GRIN2B: variants seen among roughly 807,000 people sequenced by gnomAD.
The protein encoded by GRIN2B is glutamate ionotropic receptor NMDA type subunit 2B.
Under a neutral mutation model 114.5 loss-of-function variants are expected in GRIN2B, and 5 were observed. The ratio of observed to expected loss-of-function variants is 0.04; its 90% CI spans 0.02 to 0.09. The LOEUF (loss-of-function observed/expected upper bound fraction) is 0.09, where lower values mean the gene tolerates loss of function less well. GRIN2B is among the 10% of genes least tolerant of loss of function. The pLI is 1.00. For missense variants in GRIN2B, 1,108 were observed against 1,943.5 expected, an observed-to-expected ratio of 0.57 and a Z score of 8.08; for synonymous variants, 787 against 745.1, an observed-to-expected ratio of 1.06 and a Z score of -0.92.
At chr12:13,675,014 A>C (rs17760909) in intron 5 of GRIN2B, among the ~76,000 whole-genome samples, 1 of 152,104 alleles carries the variant, frequency 6.6e-6, no homozygotes, top group Non-Finnish European at 1.5e-5. Flanking sequence ...TACTCTCAGG[A>C]ATACTTGTAT....
At chr12:13,613,500 C>T (rs1236277679) in intron 8 of GRIN2B, among the ~76,000 whole-genome samples, 1 of 152,020 alleles carries the variant, frequency 6.6e-6, no homozygotes, top group Non-Finnish European at 1.5e-5. Context: ...ACAAACTGAG[C>T]CAAAAAGTCT....
At chr12:13,931,517 T>A (rs1194691799) in intron 2 of GRIN2B, among the ~76,000 whole-genome samples, 1 of 152,186 alleles carries the variant, frequency 6.6e-6, no homozygotes, top group Non-Finnish European at 1.5e-5. Flanking sequence ...TTTTTCCATC[T>A]AACTAGGCTC....
At chr12:13,713,254 T>C (rs1055569700) in intron 4 of GRIN2B, among the ~76,000 whole-genome samples, 3 of 151,898 alleles carry the variant, frequency 2.0e-5, no homozygotes, top group African/African-American at 7.2e-5. Flanking sequence ...GCTCTCCTTT[T>C]ATGCTCCTAG....
chr12:13,614,029 A>AAAAAAAAAAAC, intron 8 of GRIN2B, among the ~76,000 whole-genome samples: 1 of 151,558 alleles, frequency 6.6e-6, no homozygotes, highest in African/African-American at 2.4e-5. Context: ...AAAAAAAAAA[A>AAAAAAAAAAAC]AAAAAAAAAG....
At position 13,824,827 on chromosome 12, in the gene GRIN2B, G is replaced by A. The variant is rs1468525125; in HGVS notation, c.411+40971C>T. Among the ~76,000 whole-genome samples, 7 of 133,230 alleles carry A rather than the reference G, an allele frequency of 5.3e-5. No homozygotes were observed. In the East Asian group the frequency reaches 1.5e-3, roughly 29 times the overall value. The allele number at this position is 133,230 out of a possible 152,430, so 87.4% of individuals were successfully genotyped here. A position where few individuals can be genotyped will look rare whatever the true frequency, so the allele number is the denominator to read the frequency against. On this transcript the variant is annotated intron_variant, in intron 3 of 13. Transcript: ENST00000609686. ...GCCGAGATTGTGCCACTGCACTCCAGCCTGGGCAACAGAGCGAGACTCCAT... is the reference window on the plus strand; with the variant it reads ...GCCGAGATTGTGCCACTGCACTCCAACCTGGGCAACAGAGCGAGACTCCAT...
At position 13,840,236 on chromosome 12, in the gene GRIN2B, C is replaced by T. The variant is rs145647658; in HGVS notation, c.411+25562G>A. On this transcript the variant is annotated intron_variant, in intron 3 of 13. Transcript: ENST00000609686. ...TCACTCCCTCTGGATTTTGTTCATTCGGTAGGGATCCAAGCATTCTAGAAA... is the reference window on the plus strand; with the variant it reads ...TCACTCCCTCTGGATTTTGTTCATTTGGTAGGGATCCAAGCATTCTAGAAA... 6.9e-4 allele frequency among the ~76,000 whole-genome samples: 105 copies of T among 152,210 alleles called. 1 individual carries two copies. The East Asian group carries it at 0.018, about 26-fold the overall frequency.
intron 4 of GRIN2B, among the ~76,000 whole-genome samples, chr12:13,697,059 C>T (rs1950266630): frequency 6.6e-6 from 1 of 152,028 alleles, no homozygotes; most frequent in South Asian, 2.1e-4. Context: ...GTAATAAGTG[C>T]CTGAATGATG....
intron 4 of GRIN2B, among the ~76,000 whole-genome samples, chr12:13,711,211 T>C (rs1000891765): frequency 5.3e-5 from 8 of 151,352 alleles, no homozygotes; most frequent in African/African-American, 1.9e-4. Flanking sequence ...TCCTTATACC[T>C]TATACAAAAA....
intron 3 of GRIN2B, among the ~76,000 whole-genome samples, chr12:13,774,639 T>C (rs1489721718): frequency 6.6e-6 from 1 of 152,188 alleles, no homozygotes; most frequent in Non-Finnish European, 1.5e-5. Flanking sequence ...TGCAGTGCCT[T>C]TGGTAAAGAC....
chr12:13,747,622 C>T (rs886435639), intron 4 of GRIN2B, among the ~76,000 whole-genome samples: 2 of 152,160 alleles, frequency 1.3e-5, no homozygotes, highest in Non-Finnish European at 2.9e-5. Flanking sequence ...TTTCCTTAGA[C>T]TCTGGTGCAC....
chr12:13,928,829 G>T (rs1421771495), intron 2 of GRIN2B, among the ~76,000 whole-genome samples: 5 of 152,338 alleles, frequency 3.3e-5, no homozygotes, highest in African/African-American at 1.2e-4. Context: ...AAAAGGAATA[G>T]TTAAAAAGTA....
rs1948391609 is a variant in GRIN2B, at chr12:13,550,105, G to A, written c.*12678C>T. 1 of 152,176 alleles carries A rather than the reference G, an allele frequency of 6.6e-6. No individual in the cohort carries two copies. The highest frequency in any genetic ancestry group is 2.1e-4 in the South Asian group (1 of 4,826). The allele number at this position is 152,176 out of a possible 1,614,324, so 9.4% of individuals were successfully genotyped here. ...TACTTTTGGCTAATTATCCAATTTTGTGCTTTGACTTCTCATCTGTAAAAC... is the reference window on the plus strand; with the variant it reads ...TACTTTTGGCTAATTATCCAATTTTATGCTTTGACTTCTCATCTGTAAAAC... On this transcript the variant is annotated 3_prime_UTR_variant, in exon 14 of 14. Coordinates refer to ENST00000609686, the MANE Select transcript of GRIN2B (RefSeq NM_000834.5).
At chr12:13,951,911 A>G (rs1867488620) in intron 2 of GRIN2B, among the ~76,000 whole-genome samples, 1 of 152,152 alleles carries the variant, frequency 6.6e-6, no homozygotes, top group African/African-American at 2.4e-5. Context: ...GGGGAGAAAA[A>G]GAAAGAAAAA....
At chr12:13,877,488 A>G (rs893692513) in intron 2 of GRIN2B, among the ~76,000 whole-genome samples, 3 of 152,216 alleles carry the variant, frequency 2.0e-5, no homozygotes, top group Non-Finnish European at 4.4e-5. Context: ...TTACCTGTGT[A>G]ACTGAGCACC....
Position 13,555,171 on chromosome 12 carries a change from T to A in GRIN2B, c.*7612A>T, listed in dbSNP as rs1948464066. On this transcript the variant is annotated 3_prime_UTR_variant, in exon 14 of 14. Coordinates refer to ENST00000609686, the MANE Select transcript of GRIN2B (RefSeq NM_000834.5). ...AGATAAGAGGAAGAGCAGGAACCAA[T>A]GAGGTTAGAGGACCAGAGAACTAAG... The A allele has an allele frequency of 6.6e-6, 1 of 152,102 alleles. No individual in the cohort carries two copies. The highest frequency in any genetic ancestry group is 1.5e-5 in the Non-Finnish European group (1 of 68,032). 9.4% of individuals were successfully genotyped at this position (152,102 alleles called of 1,614,324 possible). A position where few individuals can be genotyped will look rare whatever the true frequency, so the allele number is the denominator to read the frequency against.
intron 4 of GRIN2B, among the ~76,000 whole-genome samples, chr12:13,742,361 C>T (rs189686093): frequency 6.6e-6 from 1 of 152,362 alleles, no homozygotes; most frequent in East Asian, 1.9e-4. Context: ...TCTAGGAAAT[C>T]ATATAAACAA....
intron 2 of GRIN2B, among the ~76,000 whole-genome samples, chr12:13,882,366 C>T (rs1015926828): frequency 2.4e-4 from 36 of 152,118 alleles, no homozygotes; most frequent in Admixed American, 4.6e-4. Context: ...AGGAATTCCC[C>T]GTCAATCAAG....
chr12:13,569,802 A>G, intron 12 of GRIN2B, 28 bp downstream of exon 12: 1 of 1,492,870 alleles, frequency 6.7e-7, no homozygotes, highest in Non-Finnish European at 9.2e-7. Context: ...TAGAGGACAA[A>G]TGGGCACTTT....
In GRIN2B at chr12:13,563,557, C is replaced by T. The variant is rs758736358; in HGVS notation, c.3681G>A (p.Thr1227=). The change falls in exon 14 of 14, where the codon ACG becomes ACA. Residue 1227 remains threonine (T), a synonymous_variant. Transcript: ENST00000609686. ...SCPSKLHNYS[T]TVTGQNSGRQ... ...TGCCCGAGTTCTGACCCGTCACCGT[C>T]GTGGAGTAGTTGTGCAGCTTGGAGG... 3.1e-6 allele frequency: 5 copies of T among 1,614,034 alleles called. No homozygotes were observed. Among genetic ancestry groups the T allele is most frequent in the Middle Eastern group, 1.6e-4 (1 of 6,084 alleles).
Sources: gnomAD v4.1 joint callset for allele counts (sites outside exome capture counted in the v4.1 genomes callset) on GRCh38, gnomAD v4.1.1 for gene constraint, MANE v1.5 for transcripts, NCBI Gene and HGNC (gene_info 2026-07-23, HGNC 2026-07-21) for gene names.